The following RBFOX1 variants were observed in gnomAD, a reference collection of about 807,000 sequenced individuals.
RBFOX1 encodes the protein RNA binding fox-1 homolog 1.
Under a neutral mutation model 57.7 loss-of-function variants are expected in RBFOX1, and 8 were observed. The ratio of observed to expected loss-of-function variants is 0.14; its 90% confidence interval spans 0.08 to 0.25. RBFOX1 has a LOEUF of 0.25. Ranked by LOEUF, RBFOX1 falls within the 10% of genes least tolerant of loss-of-function variation. RBFOX1 has a pLI of 1.00. For synonymous variants in RBFOX1, 326 were observed against 222.4 expected (o/e 1.47, Z -4.15); for missense variants, 611 against 548.5 (o/e 1.11, Z -1.14).
At chr16:6,297,674 C>T (rs1397289614) in intron 1 of RBFOX1, among the ~76,000 whole-genome samples, 1 of 152,066 alleles carries the variant, frequency 6.6e-6, no homozygotes, top group Non-Finnish European at 1.5e-5. Flanking sequence ...CACCACACCC[C>T]CCTATCCTAT....
At chr16:6,498,781 C>T (rs868856110) in intron 2 of RBFOX1, among the ~76,000 whole-genome samples, 1 of 152,084 alleles carries the variant, frequency 6.6e-6, no homozygotes, top group Non-Finnish European at 1.5e-5. Flanking sequence ...TTTCAGAGTC[C>T]TATTGAGGAA....
intron 10 of RBFOX1, among the ~76,000 whole-genome samples, chr16:7,617,989 G>C (rs1473859602): frequency 1.6e-5 from 2 of 123,232 alleles, no homozygotes; most frequent in Non-Finnish European, 3.6e-5. Flanking sequence ...TTTATCTTTA[G>C]AATCCATTGA....
At chr16:7,495,530 T>C (rs1309447090) in intron 4 of RBFOX1, among the ~76,000 whole-genome samples, 1 of 152,222 alleles carries the variant, frequency 6.6e-6, no homozygotes, top group Non-Finnish European at 1.5e-5. Context: ...TGCGAGATGG[T>C]ATCTCACTGT....
At chr16:7,026,599 A>C (rs560665113) in intron 3 of RBFOX1, among the ~76,000 whole-genome samples, 7 of 152,108 alleles carry the variant, frequency 4.6e-5, no homozygotes, top group African/African-American at 1.7e-4. Context: ...GCGTTTCTGC[A>C]CAGAGGTGCA....
intron 1 of RBFOX1, among the ~76,000 whole-genome samples, chr16:5,352,599 C>A (rs1290922487): frequency 6.6e-6 from 1 of 152,150 alleles, no homozygotes; most frequent in Non-Finnish European, 1.5e-5. Context: ...CAAACACATT[C>A]TCTTACATGA....
chr16:7,709,829 A>C, intron 15 of RBFOX1: 1 of 1,262,122 alleles, frequency 7.9e-7, no homozygotes, highest in Non-Finnish European at 1.0e-6. Flanking sequence ...CTATGCACTG[A>C]AACTCTTGAG....
chr16:5,445,335 C>A (rs934606605), intron 1 of RBFOX1, among the ~76,000 whole-genome samples: 5 of 152,096 alleles, frequency 3.3e-5, no homozygotes, highest in African/African-American at 1.2e-4. Context: ...CTTGAATGTT[C>A]CATGTTCTAC....
intron 3 of RBFOX1, among the ~76,000 whole-genome samples, chr16:5,815,857 G>C (rs1005962730): frequency 1.3e-5 from 2 of 152,192 alleles, no homozygotes; most frequent in Non-Finnish European, 2.9e-5. Context: ...GAACTCAGAT[G>C]GGGGCAGGGG....
intron 3 of RBFOX1, among the ~76,000 whole-genome samples, chr16:7,040,311 G>T (rs77612936): frequency 0.094 from 14,305 of 152,004 alleles, 1,091 homozygotes; most frequent in East Asian, 0.32. Flanking sequence ...GAGCCACCGT[G>T]CCCGGCTGAG....
At chr16:5,711,097 T>C (rs189319248) in intron 3 of RBFOX1, among the ~76,000 whole-genome samples, 35 of 152,300 alleles carry the variant, frequency 2.3e-4, no homozygotes, top group African/African-American at 7.9e-4. Context: ...ATTGTAGTAA[T>C]GATTGCATAA....
Position 6,808,186 on chromosome 16 carries a change from A to G in RBFOX1, c.-16+153536A>G, listed in dbSNP as rs887756369. 3.9e-3 allele frequency among the ~76,000 whole-genome samples: 490 copies of G among 127,236 alleles called. 9 individuals carry two copies. Among genetic ancestry groups the G allele is most frequent in the East Asian group, 3.7e-3 (18 of 4,806 alleles). The allele number at this position is 127,236 out of a possible 152,430, so 83.5% of individuals were successfully genotyped here. On this transcript the variant is annotated intron_variant, in intron 3 of 15. Coordinates refer to ENST00000550418, the MANE Select transcript of RBFOX1 (RefSeq NM_018723.4). The stretch of plus-strand genomic sequence containing the variant: ...TGTGTGTGTGTGTGTGTGTATATAT[A>G]TATATATATATATAGTTCTATTGAA...
At chr16:6,025,750 C>T (rs546950558) in intron 1 of RBFOX1, among the ~76,000 whole-genome samples, 27 of 152,140 alleles carry the variant, frequency 1.8e-4, no homozygotes, top group African/African-American at 2.7e-4. Flanking sequence ...GTGCAGCCGA[C>T]GTTGTCCATC....
chr16:5,373,986 C>T (rs1479750543), intron 1 of RBFOX1, among the ~76,000 whole-genome samples: 3 of 151,790 alleles, frequency 2.0e-5, no homozygotes, highest in Admixed American at 6.6e-5. Context: ...GGTGCGATCT[C>T]GGCTCACTGC....
chr16:6,902,379 G>A (rs371124490), intron 3 of RBFOX1, among the ~76,000 whole-genome samples: 1 of 152,142 alleles, frequency 6.6e-6, no homozygotes, highest in Non-Finnish European at 1.5e-5. Flanking sequence ...GTGAATATCT[G>A]GAGCTATCAA....
At chr16:7,260,939 C>T (rs2094895811) in intron 4 of RBFOX1, among the ~76,000 whole-genome samples, 1 of 152,152 alleles carries the variant, frequency 6.6e-6, no homozygotes, top group Admixed American at 6.5e-5. Context: ...AGGCTCTGGC[C>T]AAACACCTAC....
intron 10 of RBFOX1, among the ~76,000 whole-genome samples, chr16:7,619,167 C>G (rs533687861): frequency 1.3e-5 from 2 of 151,888 alleles, no homozygotes; most frequent in Non-Finnish European, 2.9e-5. Context: ...GTATTAAACC[C>G]AGTATCATTT....
At chr16:7,590,823 C>T (rs1478411081) in intron 7 of RBFOX1, among the ~76,000 whole-genome samples, 1 of 139,756 alleles carries the variant, frequency 7.2e-6, no homozygotes, top group Non-Finnish European at 1.5e-5. Context: ...CAAGACATTG[C>T]ATTCCAGCCT....
At chr16:6,294,447 A>G (rs1230796387) in intron 1 of RBFOX1, among the ~76,000 whole-genome samples, 1 of 152,254 alleles carries the variant, frequency 6.6e-6, no homozygotes, top group Non-Finnish European at 1.5e-5. Context: ...CATATTTTAT[A>G]TAGATGGGCC....
intron 3 of RBFOX1, among the ~76,000 whole-genome samples, chr16:6,936,092 C>T (rs539367251): frequency 9.9e-5 from 15 of 152,278 alleles, no homozygotes; most frequent in Middle Eastern, 6.8e-3. Context: ...TTCCTTAGAT[C>T]TGAGGTTCAC....
Sources: gnomAD v4.1 joint callset for allele counts (sites outside exome capture counted in the v4.1 genomes callset) on GRCh38, gnomAD v4.1.1 for gene constraint, MANE v1.5 for transcripts, NCBI Gene and HGNC (gene_info 2026-07-23, HGNC 2026-07-21) for gene names.